The following GPC5 variants were observed in gnomAD, a reference collection of about 807,000 sequenced individuals.
The protein encoded by GPC5 is glypican-5.
Under a neutral mutation model 53.9 loss-of-function variants are expected in GPC5, and 47 were observed. That is an observed-to-expected ratio of 0.87 (90% confidence interval 0.69 to 1.11). The LOEUF (loss-of-function observed/expected upper bound fraction) is 1.11, where lower values mean the gene tolerates loss of function less well. Ranked by LOEUF, GPC5 falls within the 50% of genes most tolerant of loss-of-function variation. The pLI is 0.00. For missense variants in GPC5, 748 were observed against 713.1 expected, an observed-to-expected ratio of 1.05 and a Z score of -0.56; for synonymous variants, 286 against 263.3, an observed-to-expected ratio of 1.09 and a Z score of -0.84.
chr13:92,197,511 T>G (rs2042265276), intron 7 of GPC5, among the ~76,000 whole-genome samples: 1 of 152,100 alleles, frequency 6.6e-6, no homozygotes, highest in Non-Finnish European at 1.5e-5. Flanking sequence ...TATTGGGGTT[T>G]GTTTGAGACA....
chr13:91,902,163 T>C (rs2039504525), intron 5 of GPC5, among the ~76,000 whole-genome samples: 1 of 151,984 alleles, frequency 6.6e-6, no homozygotes. Context: ...TACTATACTT[T>C]TGGTGTGAAT....
At chr13:91,964,074 G>A (rs1475438197) in intron 6 of GPC5, among the ~76,000 whole-genome samples, 1 of 152,158 alleles carries the variant, frequency 6.6e-6, no homozygotes, top group African/African-American at 2.4e-5. Context: ...AGTTCTTAAA[G>A]ATGGTGTGTC....
At chr13:92,561,384 A>G (rs535101015) in intron 7 of GPC5, among the ~76,000 whole-genome samples, 4 of 152,110 alleles carry the variant, frequency 2.6e-5, no homozygotes, top group Middle Eastern at 3.4e-3. Context: ...CATCTCTGCC[A>G]TTTGCCAAAG....
chr13:91,933,134 C>T lies in GPC5; in HGVS notation c.1401+25077C>T, dbSNP rs141193640. On this transcript the variant is annotated intron_variant, in intron 6 of 7. Coordinates refer to ENST00000377067, the MANE Select transcript of GPC5 (RefSeq NM_004466.6). ...ACTTTCAGAAATTCCTCATTATCAA[C>T]GGTCAAATCCAGATGGATTTTCTTT... Among the ~76,000 whole-genome samples the T allele has an allele frequency of 6.3e-3, 957 of 151,960 alleles. 9 individuals are homozygous for T. The highest frequency in any genetic ancestry group is 0.022 in the African/African-American group (893 of 41,492).
chr13:92,411,315 G>T (rs1876034004), intron 7 of GPC5, among the ~76,000 whole-genome samples: 1 of 152,050 alleles, frequency 6.6e-6, no homozygotes, highest in African/African-American at 2.4e-5. Flanking sequence ...TGGATATTAT[G>T]CTAAGTTTTC....
At chr13:92,071,045 G>C (rs1333409412) in intron 6 of GPC5, among the ~76,000 whole-genome samples, 2 of 152,058 alleles carry the variant, frequency 1.3e-5, no homozygotes, top group African/African-American at 2.4e-5. Flanking sequence ...AGACCATCCT[G>C]GCCAACATGG....
chr13:92,088,376 T>C (rs1247220787), intron 6 of GPC5, among the ~76,000 whole-genome samples: 1 of 152,036 alleles, frequency 6.6e-6, no homozygotes, highest in South Asian at 2.1e-4. Flanking sequence ...GGAAGCTGGA[T>C]TGGGGGACGG....
chr13:92,645,302 G>A (rs1885731728), intron 7 of GPC5, among the ~76,000 whole-genome samples: 1 of 152,048 alleles, frequency 6.6e-6, no homozygotes. Context: ...CCACCACCAT[G>A]CCTGGCTAAT....
At chr13:92,715,903 G>C (rs186581518) in intron 7 of GPC5, among the ~76,000 whole-genome samples, 1 of 152,156 alleles carries the variant, frequency 6.6e-6, no homozygotes, top group African/African-American at 2.4e-5. Context: ...AATGCTTAGA[G>C]AATTAATCTA....
chr13:92,795,674 C>T (rs768546722), intron 7 of GPC5, among the ~76,000 whole-genome samples: 3 of 148,704 alleles, frequency 2.0e-5, no homozygotes, highest in Non-Finnish European at 4.6e-5. Flanking sequence ...AACTTAAAAA[C>T]AGCAGCCCCA....
chr13:91,735,484 A>T (rs1307138200), intron 4 of GPC5, among the ~76,000 whole-genome samples: 7 of 151,158 alleles, frequency 4.6e-5, no homozygotes, highest in Non-Finnish European at 1.0e-4. Flanking sequence ...GCTTTTAAGG[A>T]TTTTATAAAA....
intron 7 of GPC5, among the ~76,000 whole-genome samples, chr13:92,803,763 T>A (rs1433965533): frequency 1.3e-5 from 2 of 151,984 alleles, no homozygotes; most frequent in African/African-American, 2.4e-5. Context: ...AATATCTACA[T>A]GTCTCAAATT....
At chr13:91,953,512 T>G (rs1172216745) in intron 6 of GPC5, among the ~76,000 whole-genome samples, 1 of 152,100 alleles carries the variant, frequency 6.6e-6, no homozygotes, top group Non-Finnish European at 1.5e-5. Flanking sequence ...GGAAAAATGA[T>G]AGAAGACACC....
intron 6 of GPC5, among the ~76,000 whole-genome samples, chr13:92,090,758 T>C (rs1366147288): frequency 1.3e-5 from 2 of 152,262 alleles, no homozygotes; most frequent in African/African-American, 4.8e-5. Context: ...TTTAAAATTA[T>C]GTGCCTCAAT....
intron 2 of GPC5, among the ~76,000 whole-genome samples, chr13:91,454,633 T>G (rs916802247): frequency 6.6e-6 from 1 of 152,108 alleles, no homozygotes; most frequent in Non-Finnish European, 1.5e-5. Context: ...TATAATTAAA[T>G]GAACTGCATG....
chr13:92,856,146 T>C (rs1427830965), intron 7 of GPC5, among the ~76,000 whole-genome samples: 3 of 151,868 alleles, frequency 2.0e-5, no homozygotes, highest in African/African-American at 7.2e-5. Flanking sequence ...CACAAAAAAA[T>C]TTAACTCATC....
intron 6 of GPC5, among the ~76,000 whole-genome samples, chr13:91,922,346 A>G (rs1398587430): frequency 6.6e-6 from 1 of 152,158 alleles, no homozygotes; most frequent in South Asian, 2.1e-4. Flanking sequence ...CATGATTTCT[A>G]TGGACCTATA....
chr13:92,381,887 T>TATCATATATATG (rs1566565274), intron 7 of GPC5, among the ~76,000 whole-genome samples: 1 of 91,146 alleles, frequency 1.1e-5, no homozygotes, highest in African/African-American at 4.0e-5. Flanking sequence ...TGATTATATA[T>TATCATATATATG]ATTATATATA....
chr13:92,632,659 GT>G (rs1323380344), intron 7 of GPC5, among the ~76,000 whole-genome samples: 4 of 151,858 alleles, frequency 2.6e-5, no homozygotes, highest in African/African-American at 9.7e-5. Context: ...AATTCTATTA[GT>G]TTTGTTTTTC....
Sources: allele counts gnomAD v4.1 joint callset (sites outside exome capture counted in the v4.1 genomes callset), GRCh38; gene constraint gnomAD v4.1.1; transcripts MANE v1.5; gene names NCBI Gene and HGNC (gene_info 2026-07-23, HGNC 2026-07-21).